The following ANKRD12 variants were observed in gnomAD, a reference collection of about 807,000 sequenced individuals.
ANKRD12 encodes ankyrin repeat domain 12, also known as ankyrin repeat domain-containing protein 12.
In ANKRD12, 85 loss-of-function variants were observed where a neutral mutation model predicts 183.4. That is an observed-to-expected ratio of 0.46 (90% CI 0.39 to 0.56). The LOEUF (loss-of-function observed/expected upper bound fraction) is 0.56. Ranked by LOEUF, ANKRD12 falls within the 20% of genes least tolerant of loss-of-function variation. The pLI, the probability that ANKRD12 is intolerant of heterozygous loss-of-function variation, is 0.00. For synonymous variants in ANKRD12, 914 were observed against 800.2 expected (o/e 1.14, Z -2.40); for missense variants, 2,405 against 2,357.1 (o/e 1.02, Z -0.42).
rs1204996254 is a variant in ANKRD12 at position 9,179,912 on chromosome 18, G to A, written c.-51-2470G>A. ...TATGACACAGAATGTGGCCTATCTT[G>A]GGGAGTATTCTGTGTGCTCTTGAAA... is the stretch of plus-strand genomic sequence containing the variant. On this transcript the variant is annotated intron_variant, in intron 1 of 12. Transcript: ENST00000262126. Among the ~76,000 whole-genome samples the A allele has an allele frequency of 3.3e-5, 5 of 152,156 alleles. No homozygotes were observed. The East Asian group carries it at 9.6e-4, about 29-fold the overall frequency.
intron 8 of ANKRD12, among the ~76,000 whole-genome samples, chr18:9,252,599 A>T (rs376515504): frequency 6.6e-6 from 1 of 152,250 alleles, no homozygotes; most frequent in Non-Finnish European, 1.5e-5. Flanking sequence ...CATTGCTTCA[A>T]ATTGATGAAT....
intron 8 of ANKRD12, among the ~76,000 whole-genome samples, chr18:9,237,234 C>T (rs920252457): frequency 2.6e-5 from 4 of 152,084 alleles, no homozygotes; most frequent in African/African-American, 9.7e-5. Context: ...AAATATCTAT[C>T]AATGAAATGA....
At chr18:9,268,191 A>G (rs1279987039) in intron 10 of ANKRD12, among the ~76,000 whole-genome samples, 1 of 152,160 alleles carries the variant, frequency 6.6e-6, no homozygotes, top group Non-Finnish European at 1.5e-5. Flanking sequence ...CCAGAGGTAC[A>G]AGGAGGAGCT....
At chr18:9,151,662 C>G (rs760240641) in intron 1 of ANKRD12, among the ~76,000 whole-genome samples, 1 of 152,158 alleles carries the variant, frequency 6.6e-6, no homozygotes, top group South Asian at 2.1e-4. Context: ...TGCTAGTTGT[C>G]TTTTTTTCTC....
At chr18:9,262,042 G>A (rs1322002910) in intron 9 of ANKRD12, among the ~76,000 whole-genome samples, 2 of 152,228 alleles carry the variant, frequency 1.3e-5, no homozygotes, top group East Asian at 3.8e-4. Context: ...GAAATGGTCA[G>A]TTCCAGTAAG....
intron 8 of ANKRD12, among the ~76,000 whole-genome samples, chr18:9,248,177 A>G (rs2038074147): frequency 6.6e-6 from 1 of 152,182 alleles, no homozygotes; most frequent in Non-Finnish European, 1.5e-5. Flanking sequence ...GAATGTTGGG[A>G]AGAAGAACTT....
At chr18:9,230,651 T>C (rs2036986558) in intron 8 of ANKRD12, among the ~76,000 whole-genome samples, 1 of 149,130 alleles carries the variant, frequency 6.7e-6, no homozygotes. Flanking sequence ...GTTTCTACTT[T>C]CTTCTTTTTT....
chr18:9,257,714 G>T lies in ANKRD12; in HGVS notation c.4447G>T (p.Ala1483Ser), dbSNP rs763794052. The T allele has an allele frequency of 1.2e-6, 2 of 1,614,000 alleles. No individual in the cohort carries two copies. Among genetic ancestry groups the T allele is most frequent in the African/African-American group, 1.3e-5 (1 of 75,036 alleles). ...LPGNSCAQDP[A>S]SFMPPQQPCS... ...AGGAAACTCTTGTGCTCAGGATCCG[G>T]CATCCTTTATGCCTCCACAGCAGCC... The change falls in exon 9 of 13, where the codon GCA (alanine) becomes TCA (serine). Residue 1483 changes from alanine (A) to serine (S), a missense_variant. Physicochemically the swap from Ala to Ser is moderately conservative, Grantham distance 99. This residue lies in a region of ANKRD12 where 1,983 missense variants were observed against 1,725.9 expected (regional missense o/e 1.15). Coordinates refer to ENST00000262126, the MANE Select transcript of ANKRD12 (RefSeq NM_015208.5).
chr18:9,137,300 G>T (rs1438361371), intron 1 of ANKRD12, among the ~76,000 whole-genome samples: 2 of 146,456 alleles, frequency 1.4e-5, no homozygotes, highest in African/African-American at 4.9e-5. Flanking sequence ...GGCGCTGCGC[G>T]GGGCGGGGCG....
intron 5 of ANKRD12, among the ~76,000 whole-genome samples, chr18:9,210,879 T>C (rs1291962750): frequency 6.6e-6 from 1 of 152,026 alleles, no homozygotes; most frequent in African/African-American, 2.4e-5. Flanking sequence ...TCCTTTTATA[T>C]AGTTGTAAAT....
chr18:9,177,050 C>T (rs1431934495), intron 1 of ANKRD12, among the ~76,000 whole-genome samples: 1 of 152,194 alleles, frequency 6.6e-6, no homozygotes, highest in African/African-American at 2.4e-5. Context: ...AGAATAGAAT[C>T]TATAAACTGC....
intron 1 of ANKRD12, among the ~76,000 whole-genome samples, chr18:9,180,788 G>T (rs2033644907): frequency 6.6e-6 from 1 of 152,022 alleles, no homozygotes; most frequent in Non-Finnish European, 1.5e-5. Flanking sequence ...TCCTTACATA[G>T]AATCTATTTA....
At chr18:9,271,685 A>G (rs892697308) in intron 10 of ANKRD12, among the ~76,000 whole-genome samples, 1 of 152,194 alleles carries the variant, frequency 6.6e-6, no homozygotes, top group African/African-American at 2.4e-5. Context: ...AATTAGTATA[A>G]AAATTTGGGA....
At chr18:9,204,262 C>T (rs2035352212) in intron 3 of ANKRD12, among the ~76,000 whole-genome samples, 3 of 152,114 alleles carry the variant, frequency 2.0e-5, no homozygotes, top group African/African-American at 4.8e-5. Flanking sequence ...TTGAATTTCC[C>T]AACTTTAAGA....
Position 9,275,600 on chromosome 18 carries a change from C to T in ANKRD12, c.5840C>T (p.Thr1947Ile). 6.2e-7 allele frequency: 1 copy of T among 1,610,364 alleles called. No individual in the cohort carries two copies. Residue 1947 changes from threonine to isoleucine, a missense_variant, in exon 11 of 13, where the codon ACA (threonine) becomes ATA (isoleucine). Transcript: ENST00000262126. ...YRAARTLANQ[T>I]LPFSACTVLL... The stretch of plus-strand genomic sequence containing the variant: ...GCTGCAAGAACATTGGCAAATCAAA[C>T]ACTGCCATTTAGTGCTTGTACTGTT...
At chr18:9,226,698 C>T (rs2036734974) in intron 8 of ANKRD12, among the ~76,000 whole-genome samples, 1 of 103,718 alleles carries the variant, frequency 9.6e-6, no homozygotes, top group Admixed American at 8.6e-5. Context: ...TGTGTGAACT[C>T]CATTTACATC....
rs375843680 is a variant in ANKRD12 at position 9,255,931 on chromosome 18, C to T, written c.2664C>T (p.Ser888=). The T allele has an allele frequency of 1.1e-4, 179 of 1,582,742 alleles. No individual in the cohort carries two copies. The highest frequency in any genetic ancestry group is 1.4e-4 in the Non-Finnish European group (166 of 1,170,796). Residue 888 remains serine, a synonymous_variant, in exon 9 of 13, where the codon AGC becomes AGT. Coordinates refer to ENST00000262126, the MANE Select transcript of ANKRD12 (RefSeq NM_015208.5). ...AATGCCATAAAGAAGGTGAGAAGAG[C>T]AAAAATACTGCTGCTATTAAAAAAA... ...TEKCHKEGEK[S]KNTAAIKKTD... is the part of the protein sequence containing the mutation.
intron 8 of ANKRD12, among the ~76,000 whole-genome samples, chr18:9,234,919 C>A (rs1319067437): frequency 1.3e-5 from 2 of 152,104 alleles, no homozygotes; most frequent in African/African-American, 4.8e-5. Context: ...TCCCCTGGCC[C>A]AATATTGAGC....
rs2038705399 is a variant in ANKRD12, at chr18:9,257,494, T to G, written c.4227T>G (p.Ser1409Arg). ...GTCCAGTGCATTTAGAGCCATCTAGTCAGGTTGGTGTGATCCAGAATAAAT... is the reference window on the plus strand; with the variant it reads ...GTCCAGTGCATTTAGAGCCATCTAGGCAGGTTGGTGTGATCCAGAATAAAT... ...MDSPVHLEPS[S>R]QVGVIQNKSW... Residue 1409 changes from serine (S) to arginine (R), a missense_variant, in exon 9 of 13, where the codon AGT (serine) becomes AGG (arginine). Physicochemically the swap from Ser to Arg is moderately radical, Grantham distance 110. This residue lies in a region of ANKRD12 where 1,983 missense variants were observed against 1,725.9 expected (regional missense o/e 1.15). Coordinates refer to ENST00000262126, the MANE Select transcript of ANKRD12 (RefSeq NM_015208.5). 6.2e-7 allele frequency: 1 copy of G among 1,614,096 alleles called. No individual in the cohort carries two copies. The highest frequency in any genetic ancestry group is 8.5e-7 in the Non-Finnish European group (1 of 1,179,982).
Sources: gnomAD v4.1 joint callset for allele counts (sites outside exome capture counted in the v4.1 genomes callset) on GRCh38, gnomAD v4.1.1 for gene constraint, gnomAD v4.1.1 regional missense constraint, MANE v1.5 for transcripts, NCBI Gene and HGNC (gene_info 2026-07-23, HGNC 2026-07-21) for gene names.